The following NXPE2 variants were observed in gnomAD, a reference collection of about 807,000 sequenced individuals.
NXPE2 encodes neurexophilin and PC-esterase domain family member 2, also known as NXPE family member 2.
NXPE2 carries 34 observed loss-of-function variants against 34.4 expected under a neutral mutation model. That is an observed-to-expected ratio of 0.99 (90% confidence interval 0.75 to 1.31). The LOEUF (loss-of-function observed/expected upper bound fraction) is 1.31, where lower values mean the gene tolerates loss of function less well. NXPE2 is among the 40% of genes most tolerant of loss of function. NXPE2 has a pLI of 0.00. For synonymous variants in NXPE2, 235 were observed against 231.3 expected, an observed-to-expected ratio of 1.02 and a Z score of -0.15; for missense variants, 649 against 672.5, an observed-to-expected ratio of 0.97 and a Z score of 0.39.
chr11:114,664,103 GC>G, the NXPE2 span, among the ~76,000 whole-genome samples: 2 of 152,238 alleles, frequency 1.3e-5, no homozygotes, highest in East Asian at 3.9e-4. Context: ...ATTCACAATT[GC>G]CAAAACTGGA....
the NXPE2 span, among the ~76,000 whole-genome samples, chr11:114,805,708 G>A: frequency 5.9e-5 from 9 of 152,324 alleles, 1 homozygote; most frequent in South Asian, 1.9e-3. Context: ...AGCTTGAACT[G>A]GGTGGAGCCC....
chr11:114,494,342 C>T, the NXPE2 span, among the ~76,000 whole-genome samples: 4 of 152,090 alleles, frequency 2.6e-5, no homozygotes, highest in Admixed American at 1.3e-4. Context: ...CTTAGATTTG[C>T]TCTTTTGAGA....
chr11:114,692,898 A>G (rs1951179651), intron 2 of NXPE2, among the ~76,000 whole-genome samples: 1 of 151,938 alleles, frequency 6.6e-6, no homozygotes, highest in Admixed American at 6.6e-5. Flanking sequence ...ACAACTATCT[A>G]CTTTCTACGC....
At chr11:114,615,894 C>T in the NXPE2 span, among the ~76,000 whole-genome samples, 1 of 151,350 alleles carries the variant, frequency 6.6e-6, no homozygotes, top group East Asian at 1.9e-4. Flanking sequence ...TAAGTGTTGC[C>T]TCGTGGGTAA....
chr11:114,507,831 A>G, the NXPE2 span, among the ~76,000 whole-genome samples: 1 of 152,104 alleles, frequency 6.6e-6, no homozygotes. Flanking sequence ...GAAAACCAAC[A>G]CAAGACAAGG....
chr11:114,755,954 C>T, the NXPE2 span, among the ~76,000 whole-genome samples: 1 of 152,186 alleles, frequency 6.6e-6, no homozygotes, highest in East Asian at 1.9e-4. Flanking sequence ...TCCCCACTCC[C>T]CTACTCCTTC....
the NXPE2 span, among the ~76,000 whole-genome samples, chr11:114,730,209 T>C: frequency 2.6e-5 from 4 of 152,216 alleles, no homozygotes; most frequent in South Asian, 2.1e-4. Flanking sequence ...ATCAGATGAC[T>C]GTAGGAGTAT....
the NXPE2 span, among the ~76,000 whole-genome samples, chr11:114,789,656 T>C: frequency 6.6e-6 from 1 of 152,034 alleles, no homozygotes; most frequent in African/African-American, 2.4e-5. Flanking sequence ...GAAAAGAGGG[T>C]TAGTTGGCTC....
the NXPE2 span, among the ~76,000 whole-genome samples, chr11:114,652,905 G>A: frequency 6.6e-6 from 1 of 152,304 alleles, no homozygotes; most frequent in South Asian, 2.1e-4. Flanking sequence ...TTCAAGTGAA[G>A]CCAGAAATCC....
the NXPE2 span, among the ~76,000 whole-genome samples, chr11:114,545,274 A>G: frequency 2.0e-5 from 3 of 152,250 alleles, no homozygotes; most frequent in East Asian, 3.8e-4. Flanking sequence ...GAATGTTTAT[A>G]GCAGCTTTGA....
the NXPE2 span, among the ~76,000 whole-genome samples, chr11:114,641,195 A>G: frequency 1.3e-5 from 2 of 152,044 alleles, no homozygotes; most frequent in Non-Finnish European, 2.9e-5. Flanking sequence ...GAAATAATCA[A>G]GAAGGAATAT....
chr11:114,541,759 G>T, the NXPE2 span, among the ~76,000 whole-genome samples: 2 of 152,120 alleles, frequency 1.3e-5, no homozygotes, highest in Admixed American at 6.5e-5. Context: ...ATTAATAGAA[G>T]AATTTGAGCA....
chr11:114,810,393 A>C, the NXPE2 span, among the ~76,000 whole-genome samples: 1 of 90,514 alleles, frequency 1.1e-5, no homozygotes, highest in African/African-American at 3.5e-5. Flanking sequence ...CTACCATCAG[A>C]ATGAACAGGC....
chr11:114,542,122 G>A, the NXPE2 span, among the ~76,000 whole-genome samples: 131 of 152,154 alleles, frequency 8.6e-4, no homozygotes, highest in Middle Eastern at 3.4e-3. Flanking sequence ...TATCTGCTTT[G>A]TAAATTGTTC....
At chr11:114,580,678 C>T in the NXPE2 span, among the ~76,000 whole-genome samples, 1 of 152,244 alleles carries the variant, frequency 6.6e-6, no homozygotes, top group Non-Finnish European at 1.5e-5. Context: ...GCTCAATTAT[C>T]CTATCATTTT....
the NXPE2 span, among the ~76,000 whole-genome samples, chr11:114,731,390 T>C: frequency 6.6e-6 from 1 of 152,132 alleles, no homozygotes; most frequent in South Asian, 2.1e-4. Flanking sequence ...CTCAGAAAAA[T>C]GAAAACTTAT....
At chr11:114,724,515 C>T in the NXPE2 span, among the ~76,000 whole-genome samples, 2 of 152,044 alleles carry the variant, frequency 1.3e-5, no homozygotes, top group South Asian at 4.1e-4. Flanking sequence ...ATCTATTTTT[C>T]CCACCACTAG....
the NXPE2 span, among the ~76,000 whole-genome samples, chr11:114,580,504 TA>T: frequency 2.0e-5 from 3 of 152,202 alleles, no homozygotes; most frequent in East Asian, 3.8e-4. Flanking sequence ...GTTTTTTTAA[TA>T]AAAATTTTTC....
chr11:114,630,209 C>T, the NXPE2 span, among the ~76,000 whole-genome samples: 4 of 151,698 alleles, frequency 2.6e-5, no homozygotes, highest in South Asian at 4.1e-4. Context: ...GAGCCCTCAT[C>T]GCCAAGTCAA....
Sources: allele counts gnomAD v4.1 joint callset (sites outside exome capture counted in the v4.1 genomes callset), GRCh38; gene constraint gnomAD v4.1.1; transcripts MANE v1.5; gene names NCBI Gene and HGNC (gene_info 2026-07-23, HGNC 2026-07-21).